Variants in LTBP1 observed in about 807,000 individuals in gnomAD.
The protein encoded by LTBP1 is latent transforming growth factor beta binding protein 1.
In LTBP1, 129 loss-of-function variants were observed where a neutral mutation model predicts 207.6. That is an observed-to-expected ratio of 0.62 (90% CI 0.54 to 0.72). The LOEUF (loss-of-function observed/expected upper bound fraction) is 0.72. Ranked by LOEUF, LTBP1 falls within the 30% of genes least tolerant of loss-of-function variation. LTBP1 has a pLI of 0.00. For missense variants in LTBP1, 2,281 were observed against 2,217.2 expected (o/e 1.03, Z -0.58); for synonymous variants, 963 against 833.7 (o/e 1.16, Z -2.67).
At position 33,188,731 on chromosome 2, in the gene LTBP1, T is replaced by C. The variant is rs774180212; in HGVS notation, c.1581T>C (p.Pro527=). 6.8e-6 allele frequency: 11 copies of C among 1,614,176 alleles called. No individual in the cohort carries two copies. The highest frequency in any genetic ancestry group is 6.6e-5 in the South Asian group (6 of 91,084). Residue 527 remains proline (P), a synonymous_variant, in exon 7 of 34, where the codon CCT becomes CCC. Coordinates refer to ENST00000404816, the MANE Select transcript of LTBP1 (RefSeq NM_206943.4). The part of the protein sequence containing the change: ...GQSQVSYQGL[P]VQKTQTIHST... The stretch of plus-strand genomic sequence containing the variant: ...CCCAAGTCTCGTACCAAGGGCTTCC[T>C]GTCCAGAAGACCCAGACCATACATT...
At position 33,361,433 on chromosome 2, in the gene LTBP1, G is replaced by C; in HGVS notation, c.4188G>C (p.Glu1396Asp). ...IFPCPVLGTA[E>D]FTEMCPKGKG... Reference sequence around the variant, plus strand: ...TTTTGTCTCTTCTAAAATCAGCTGAGTTCACTGAAATGTGTCCCAAAGGGA... The same window carrying C: ...TTTTGTCTCTTCTAAAATCAGCTGACTTCACTGAAATGTGTCCCAAAGGGA... The change falls in exon 28 of 34, where the codon GAG (glutamate) becomes GAC (aspartate). Residue 1396 changes from glutamate to aspartate, a missense_variant. By Grantham distance (45) the Glu-to-Asp change is conservative. Coordinates refer to ENST00000404816, the MANE Select transcript of LTBP1 (RefSeq NM_206943.4). The C allele has an allele frequency of 6.3e-7, 1 of 1,578,540 alleles. No homozygotes were observed. Among genetic ancestry groups the C allele is most frequent in the Non-Finnish European group, 8.7e-7 (1 of 1,154,406 alleles).
rs944722879 is a variant in LTBP1 at position 32,947,411 on chromosome 2, C to T, written c.87C>T (p.Thr29=). 5 of 1,433,810 alleles carry T rather than the reference C, an allele frequency of 3.5e-6. No individual in the cohort carries two copies. The East Asian group carries it at 1.5e-4, about 44-fold the overall frequency. 88.8% of individuals were successfully genotyped at this position (1,433,810 alleles called of 1,614,324 possible). A position where few individuals can be genotyped will look rare whatever the true frequency, so the allele number is the denominator to read the frequency against. The change falls in exon 1 of 34, where the codon ACC becomes ACT. Residue 29 remains threonine, a synonymous_variant. Transcript: ENST00000404816. Reference sequence around the variant, plus strand: ...CGCACGGCCGGCTGCGGAGGATCACCTACGTGGTGCACCCGGGCCCCGGCC... The same window carrying T: ...CGCACGGCCGGCTGCGGAGGATCACTTACGTGGTGCACCCGGGCCCCGGCC... ...SSAHGRLRRI[T]YVVHPGPGLA... is the part of the protein sequence containing the mutation.
At position 33,322,926 on chromosome 2, in the gene LTBP1, C is replaced by T. The variant is rs2094376981; in HGVS notation, c.3730+7657C>T. 2.0e-5 allele frequency among the ~76,000 whole-genome samples: 3 copies of T among 152,084 alleles called. No homozygotes were observed. In the South Asian group the frequency reaches 6.2e-4, roughly 32 times the overall value. On this transcript the variant is annotated intron_variant, in intron 24 of 33. Transcript: ENST00000404816. ...TTTATTTCTTTACCACCTTATTCTA[C>T]TTCTTTACCTTGTTTATTGTTCTTT...
chr2:33,120,545 T>A (rs1005813950), intron 4 of LTBP1, among the ~76,000 whole-genome samples: 1 of 152,242 alleles, frequency 6.6e-6, no homozygotes, highest in Admixed American at 6.5e-5. Context: ...CTGCATAGTA[T>A]TTCATGGCAT....
intron 5 of LTBP1, among the ~76,000 whole-genome samples, chr2:33,172,457 T>C (rs931673673): frequency 7.2e-5 from 11 of 152,106 alleles, no homozygotes; most frequent in African/African-American, 2.7e-4. Context: ...GAGCTAACTA[T>C]CCTAAATATA....
At chr2:33,292,513 G>A (rs1468245035) in intron 19 of LTBP1, among the ~76,000 whole-genome samples, 2 of 152,202 alleles carry the variant, frequency 1.3e-5, no homozygotes, top group African/African-American at 2.4e-5. Context: ...ATGAGATGAT[G>A]TATGTAAAGC....
intron 4 of LTBP1, among the ~76,000 whole-genome samples, chr2:33,123,436 G>T (rs1213243029): frequency 4.6e-5 from 7 of 151,544 alleles, no homozygotes; most frequent in African/African-American, 1.7e-4. Flanking sequence ...AATGCAGTAT[G>T]TGTGTAAGTA....
intron 5 of LTBP1, among the ~76,000 whole-genome samples, chr2:33,176,120 C>T (rs1322686298): frequency 2.6e-5 from 4 of 151,282 alleles, no homozygotes; most frequent in African/African-American, 4.9e-5. Flanking sequence ...CTAACCTGCA[C>T]ATTGTGCACA....
At chr2:33,287,527 C>G (rs2093689894) in intron 19 of LTBP1, among the ~76,000 whole-genome samples, 1 of 152,204 alleles carries the variant, frequency 6.6e-6, no homozygotes, top group African/African-American at 2.4e-5. Flanking sequence ...CTTGAGGATT[C>G]TAGAGTTTGA....
intron 8 of LTBP1, 61 bp downstream of exon 8, chr2:33,217,715 C>A: frequency 8.7e-7 from 1 of 1,152,486 alleles, no homozygotes; most frequent in Non-Finnish European, 1.3e-6. Context: ...TTTATGATTA[C>A]TCCTTTAATG....
intron 7 of LTBP1, among the ~76,000 whole-genome samples, chr2:33,195,521 G>C (rs2088447369): frequency 6.6e-6 from 1 of 152,172 alleles, no homozygotes; most frequent in Non-Finnish European, 1.5e-5. Context: ...GTTAGAAGTG[G>C]ATCCTGAAGA....
intron 3 of LTBP1, among the ~76,000 whole-genome samples, chr2:33,038,447 A>T (rs998661): frequency 0.011 from 1,602 of 152,328 alleles, 94 homozygotes; most frequent in Admixed American, 0.093. Flanking sequence ...GAAATGGCAG[A>T]TGCCCCTCCA....
intron 3 of LTBP1, among the ~76,000 whole-genome samples, chr2:33,109,376 C>T (rs534437051): frequency 9.8e-5 from 15 of 152,346 alleles, no homozygotes; most frequent in African/African-American, 3.1e-4. Flanking sequence ...AGCATGTTCC[C>T]TTCTAAAAGC....
In LTBP1 at chr2:33,301,627, T is replaced by C. The variant is rs774031915; in HGVS notation, c.3464T>C (p.Leu1155Pro). 6.8e-6 allele frequency: 11 copies of C among 1,605,850 alleles called. No individual in the cohort carries two copies. Among genetic ancestry groups the C allele is most frequent in the Non-Finnish European group, 9.3e-6 (11 of 1,177,180 alleles). The stretch of plus-strand genomic sequence containing the variant: ...GACCAGGGTTACAGAGCATCTGGGC[T>C]TGGAGACCACTGTGAAGGTAAGAAT... ...VCDQGYRASGLGDHCEDINEC... is the reference protein window; with the variant it reads ...VCDQGYRASGPGDHCEDINEC... The change falls in exon 22 of 34, where the codon CTT becomes CCT. Residue 1155 changes from leucine to proline, a missense_variant. Leu to Pro is a moderately conservative substitution (Grantham distance 98, BLOSUM62 -3). This residue lies in a region of LTBP1 where 1,671 missense variants were observed against 1,634.8 expected (regional missense o/e 1.02). Transcript: ENST00000404816.
intron 24 of LTBP1, among the ~76,000 whole-genome samples, chr2:33,316,609 G>T (rs2094276937): frequency 6.6e-6 from 1 of 152,196 alleles, no homozygotes; most frequent in African/African-American, 2.4e-5. Context: ...GGGATAGGAA[G>T]TTGGGAAATG....
intron 7 of LTBP1, among the ~76,000 whole-genome samples, chr2:33,212,163 G>A (rs1435809091): frequency 6.6e-6 from 1 of 152,218 alleles, no homozygotes; most frequent in East Asian, 1.9e-4. Flanking sequence ...CTGCATCACA[G>A]TGTTCATACA....
At chr2:33,229,663 T>A (rs1210373493) in intron 9 of LTBP1, among the ~76,000 whole-genome samples, 1 of 152,134 alleles carries the variant, frequency 6.6e-6, no homozygotes, top group Non-Finnish European at 1.5e-5. Flanking sequence ...AATGGAGACT[T>A]ATTCAAGTAA....
At chr2:33,176,358 TG>T (rs2086056637) in intron 5 of LTBP1, among the ~76,000 whole-genome samples, 2 of 152,090 alleles carry the variant, frequency 1.3e-5, no homozygotes, top group African/African-American at 2.4e-5. Flanking sequence ...TCTGAGTAGC[TG>T]GGACTACAGG....
chr2:33,280,659 T>A (rs557781133), intron 19 of LTBP1, among the ~76,000 whole-genome samples: 1 of 152,336 alleles, frequency 6.6e-6, no homozygotes, highest in Admixed American at 6.5e-5. Flanking sequence ...GTGTCTACCA[T>A]GTAATCTTTT....
Sources: gnomAD v4.1 joint callset for allele counts (sites outside exome capture counted in the v4.1 genomes callset) on GRCh38, gnomAD v4.1.1 for gene constraint, gnomAD v4.1.1 regional missense constraint, MANE v1.5 for transcripts, NCBI Gene and HGNC (gene_info 2026-07-23, HGNC 2026-07-21) for gene names.